The following ADCY2 variants were observed in gnomAD, a reference collection of about 807,000 sequenced individuals.
ADCY2 encodes adenylate cyclase type 2.
Under a neutral mutation model 125.2 loss-of-function variants are expected in ADCY2, and 31 were observed. The observed-to-expected ratio is 0.25, with a 90% CI of 0.19 to 0.33. ADCY2 has a LOEUF of 0.33. Among genes scored for constraint, ADCY2 ranks in the 10% least tolerant of loss-of-function variants. The probability of loss-of-function intolerance (pLI) is 1.00; values close to 1 mark genes in which losing one functional copy is unlikely to be tolerated. For synonymous variants in ADCY2, 512 were observed against 548.4 expected, an observed-to-expected ratio of 0.93 and a Z score of 0.93; for missense variants, 904 against 1,418.2, an observed-to-expected ratio of 0.64 and a Z score of 5.82.
intron 23 of ADCY2, among the ~76,000 whole-genome samples, chr5:7,817,251 CTG>C (rs1745145669): frequency 6.6e-6 from 1 of 152,172 alleles, no homozygotes; most frequent in African/African-American, 2.4e-5. Flanking sequence ...TGCTGATTCA[CTG>C]TGAGACATCC....
chr5:7,464,954 C>T (rs780874531), intron 2 of ADCY2, among the ~76,000 whole-genome samples: 8 of 152,120 alleles, frequency 5.3e-5, no homozygotes, highest in Non-Finnish European at 8.8e-5. Context: ...GGAGGCCTCA[C>T]CATCATGGTG....
At chr5:7,454,471 GT>G (rs1410560461) in intron 2 of ADCY2, among the ~76,000 whole-genome samples, 1 of 152,086 alleles carries the variant, frequency 6.6e-6, no homozygotes, top group East Asian at 1.9e-4. Context: ...GGAGAAAACT[GT>G]TTTCAGATGT....
intron 2 of ADCY2, among the ~76,000 whole-genome samples, chr5:7,453,540 G>A (rs993308365): frequency 2.0e-5 from 3 of 152,138 alleles, no homozygotes; most frequent in African/African-American, 7.2e-5. Context: ...GGAGGCAGAA[G>A]GCAGAAGGAG....
intron 4 of ADCY2, among the ~76,000 whole-genome samples, chr5:7,641,673 T>TCTCCTCC (rs1253803989): frequency 2.6e-5 from 4 of 152,116 alleles, no homozygotes; most frequent in Non-Finnish European, 5.9e-5. Context: ...CCTCTGCCTC[T>TCTCCTCC]CTCCTCCCTC....
intron 2 of ADCY2, among the ~76,000 whole-genome samples, chr5:7,519,468 G>C (rs1330690310): frequency 1.3e-5 from 2 of 152,150 alleles, no homozygotes; most frequent in Non-Finnish European, 2.9e-5. Flanking sequence ...AGCCGCATGG[G>C]AAGCTGGCCA....
intron 23 of ADCY2, among the ~76,000 whole-genome samples, chr5:7,817,823 CAAAAAAAAAAAAAA>C (rs57731885): frequency 1.3e-5 from 1 of 78,296 alleles, no homozygotes; most frequent in African/African-American, 4.5e-5. Context: ...ACGCTGTCAC[CAAAAAAAAAAAAAA>C]AAAAAAAAAA....
chr5:7,675,766 G>A (rs1740104754), intron 4 of ADCY2, among the ~76,000 whole-genome samples: 1 of 152,160 alleles, frequency 6.6e-6, no homozygotes, highest in African/African-American at 2.4e-5. Context: ...TGAAATGGTG[G>A]GCAGGTGTGT....
chr5:7,635,024 G>T (rs181796417), intron 4 of ADCY2, among the ~76,000 whole-genome samples: 1 of 152,162 alleles, frequency 6.6e-6, no homozygotes, highest in Non-Finnish European at 1.5e-5. Flanking sequence ...AGCAAAAGAA[G>T]TGGGAACTAC....
intron 1 of ADCY2, among the ~76,000 whole-genome samples, chr5:7,406,380 T>C (rs1739490270): frequency 6.6e-6 from 1 of 152,190 alleles, no homozygotes; most frequent in South Asian, 2.1e-4. Flanking sequence ...ATCAGCCATC[T>C]ACCCAGCCAC....
intron 3 of ADCY2, among the ~76,000 whole-genome samples, chr5:7,529,265 TG>T (rs1344827464): frequency 8.1e-6 from 1 of 123,072 alleles, no homozygotes; most frequent in African/African-American, 2.7e-5. Context: ...AGGACTTAAG[TG>T]GGCCAGGTGC....
chr5:7,547,548 G>A (rs1735186716), intron 3 of ADCY2, among the ~76,000 whole-genome samples: 1 of 152,166 alleles, frequency 6.6e-6, no homozygotes, highest in Admixed American at 6.5e-5. Flanking sequence ...GCAGAAAGGT[G>A]GGCTTTCCAG....
intron 3 of ADCY2, among the ~76,000 whole-genome samples, chr5:7,621,498 G>C (rs1205183226): frequency 6.6e-6 from 1 of 152,232 alleles, no homozygotes; most frequent in African/African-American, 2.4e-5. Context: ...TAAGGGCTGT[G>C]TAGAATATAC....
intron 1 of ADCY2, among the ~76,000 whole-genome samples, chr5:7,411,263 T>A (rs989822084): frequency 7.2e-5 from 11 of 152,158 alleles, no homozygotes; most frequent in African/African-American, 2.4e-4. Context: ...GCTGACTGTC[T>A]CAAGCCGTTG....
chr5:7,736,808 T>C lies in ADCY2; in HGVS notation c.1872-6860T>C, dbSNP rs146564581. On this transcript the variant is annotated intron_variant, in intron 14 of 24. Coordinates refer to ENST00000338316, the MANE Select transcript of ADCY2 (RefSeq NM_020546.3). Reference sequence around the variant, plus strand: ...CAAGAATCCATTATTTAAACTCTGATTCACAAAATAAACCTTATGATTTGT... The same window carrying C: ...CAAGAATCCATTATTTAAACTCTGACTCACAAAATAAACCTTATGATTTGT... Among the ~76,000 whole-genome samples, 95 of 152,268 alleles carry C rather than the reference T, an allele frequency of 6.2e-4. No individual in the cohort carries two copies. The East Asian group carries it at 0.017, about 27-fold the overall frequency.
intron 7 of ADCY2, among the ~76,000 whole-genome samples, chr5:7,699,644 T>G (rs1004091967): frequency 6.6e-6 from 1 of 152,160 alleles, no homozygotes; most frequent in African/African-American, 2.4e-5. Flanking sequence ...TGGAGTGCAG[T>G]GACAAGATCA....
intron 2 of ADCY2, among the ~76,000 whole-genome samples, chr5:7,480,887 A>G (rs1742704427): frequency 6.6e-6 from 1 of 152,154 alleles, no homozygotes; most frequent in Non-Finnish European, 1.5e-5. Context: ...TCATCTGCTG[A>G]TGGGCACTTG....
intron 22 of ADCY2, among the ~76,000 whole-genome samples, chr5:7,811,037 GTACCTCTAGCCAT>G (rs1744926424): frequency 6.6e-6 from 1 of 152,260 alleles, no homozygotes; most frequent in South Asian, 2.1e-4. Context: ...GTAATATGCA[GTACCTCTAGCCAT>G]TACTCACAGT....
chr5:7,548,834 A>T (rs917069632), intron 3 of ADCY2, among the ~76,000 whole-genome samples: 6 of 152,188 alleles, frequency 3.9e-5, no homozygotes, highest in Non-Finnish European at 8.8e-5. Flanking sequence ...ACAAATGAAC[A>T]TTGTGAAATT....
At chr5:7,597,709 T>C (rs940954104) in intron 3 of ADCY2, among the ~76,000 whole-genome samples, 1 of 152,268 alleles carries the variant, frequency 6.6e-6, no homozygotes, top group Admixed American at 6.5e-5. Context: ...CCTGGGATGT[T>C]GAGGCTGCAG....
Sources: allele counts gnomAD v4.1 joint callset (sites outside exome capture counted in the v4.1 genomes callset), GRCh38; gene constraint gnomAD v4.1.1; transcripts MANE v1.5; gene names NCBI Gene and HGNC (gene_info 2026-07-23, HGNC 2026-07-21).